Variants in ODAD2 observed in about 807,000 individuals in gnomAD.
ODAD2 encodes the protein outer dynein arm docking complex subunit 2.
In ODAD2, 89 loss-of-function variants were observed where a neutral mutation model predicts 106.8. The ratio of observed to expected loss-of-function variants is 0.83; its 90% CI spans 0.70 to 0.99. The LOEUF is 0.99. Among genes scored for constraint, ODAD2 ranks in the 50% least tolerant of loss-of-function variants. ODAD2 has a pLI of 0.00. For missense variants in ODAD2, 1,168 were observed against 1,238.5 expected, an observed-to-expected ratio of 0.94 and a Z score of 0.85; for synonymous variants, 404 against 436.2, an observed-to-expected ratio of 0.93 and a Z score of 0.92.
At chr10:27,828,584 G>A (rs1445857894) in intron 19 of ODAD2, among the ~76,000 whole-genome samples, 1 of 152,106 alleles carries the variant, frequency 6.6e-6, no homozygotes, top group Non-Finnish European at 1.5e-5. Flanking sequence ...ATCCATCTGA[G>A]TAATATCCCT....
intron 4 of ODAD2, among the ~76,000 whole-genome samples, 200 bp downstream of exon 4, chr10:27,984,819 C>CT (rs1016339652): frequency 2.0e-5 from 3 of 152,068 alleles, no homozygotes; most frequent in South Asian, 2.1e-4. Context: ...TTTCTTGTGT[C>CT]TTTTTTTCTA....
At chr10:27,814,059 T>C (rs1254988967) in intron 19 of ODAD2, among the ~76,000 whole-genome samples, 1 of 152,108 alleles carries the variant, frequency 6.6e-6, no homozygotes, top group Non-Finnish European at 1.5e-5. Context: ...TTGGTTCGAC[T>C]AAAGACAGGG....
intron 19 of ODAD2, among the ~76,000 whole-genome samples, chr10:27,858,104 A>G (rs1023495499): frequency 6.6e-6 from 1 of 152,190 alleles, no homozygotes; most frequent in African/African-American, 2.4e-5. Flanking sequence ...CTTCCTCTTC[A>G]TCTAGGCTGA....
chr10:27,941,486 C>G (rs540231938), intron 12 of ODAD2, among the ~76,000 whole-genome samples: 2 of 122,770 alleles, frequency 1.6e-5, no homozygotes, highest in African/African-American at 6.1e-5. Context: ...TCCTGCCCCC[C>G]GAACCAAAAA....
At chr10:27,816,127 AGTCATTCACTTCTCTTTATTGCTATT>A (rs916245940) in intron 19 of ODAD2, among the ~76,000 whole-genome samples, 3 of 152,156 alleles carry the variant, frequency 2.0e-5, no homozygotes, top group Admixed American at 6.5e-5. Flanking sequence ...CATATTTCAA[AGTCATTCACTTCTCTTTATTGCTATT>A]GTCATTCACC....
chr10:27,822,833 A>T (rs1000588225), intron 19 of ODAD2, among the ~76,000 whole-genome samples: 1 of 152,098 alleles, frequency 6.6e-6, no homozygotes, highest in Non-Finnish European at 1.5e-5. Context: ...CAAAACTTGG[A>T]TCTGCTTATT....
intron 10 of ODAD2, chr10:27,957,631 C>T (rs1405798091): frequency 6.6e-6 from 1 of 152,108 alleles, no homozygotes; most frequent in African/African-American, 2.4e-5. Flanking sequence ...AAATGTGATA[C>T]ATTCATTAAT....
intron 7 of ODAD2, among the ~76,000 whole-genome samples, chr10:27,979,681 C>T (rs1316696108): frequency 7.9e-5 from 12 of 152,056 alleles, no homozygotes; most frequent in Non-Finnish European, 1.5e-4. Flanking sequence ...AACTTGTACA[C>T]TGAAAACTTC....
chr10:27,956,889 T>A (rs1847774797), intron 10 of ODAD2, among the ~76,000 whole-genome samples: 1 of 152,240 alleles, frequency 6.6e-6, no homozygotes, highest in South Asian at 2.1e-4. Flanking sequence ...ATTTATAACA[T>A]ATAGTACTTG....
rs368422075 is a variant in ODAD2 at position 27,965,974 on chromosome 10, G to A, written c.1238+2949C>T. On this transcript the variant is annotated intron_variant, in intron 9 of 19. Transcript: ENST00000305242. The stretch of plus-strand genomic sequence containing the variant: ...TTTTCTTTGTTTCTCTCCCTCCTCT[G>A]CTCTCTTCAACTCCCAGTGGGTTCT... 3.6e-3 allele frequency among the ~76,000 whole-genome samples: 546 copies of A among 152,128 alleles called. 6 individuals carry two copies. Among genetic ancestry groups the A allele is most frequent in the African/African-American group, 0.012 (507 of 41,500 alleles).
intron 16 of ODAD2, among the ~76,000 whole-genome samples, chr10:27,918,923 GA>G (rs1844584286): frequency 6.7e-6 from 1 of 150,154 alleles, no homozygotes; most frequent in Admixed American, 6.6e-5. Flanking sequence ...AAAAAAACTG[GA>G]AAAAAATTAA....
intron 7 of ODAD2, among the ~76,000 whole-genome samples, chr10:27,975,065 T>G (rs1849106746): frequency 6.6e-6 from 1 of 152,194 alleles, no homozygotes; most frequent in Non-Finnish European, 1.5e-5. Context: ...ACAGGAATTC[T>G]GGTGATTTTT....
chr10:27,895,759 C>T (rs1269061425), intron 17 of ODAD2, among the ~76,000 whole-genome samples: 1 of 152,174 alleles, frequency 6.6e-6, no homozygotes, highest in Non-Finnish European at 1.5e-5. Flanking sequence ...TGGTTTGATT[C>T]AGATCTGTGT....
At chr10:27,820,367 C>T (rs1357797373) in intron 19 of ODAD2, among the ~76,000 whole-genome samples, 1 of 150,980 alleles carries the variant, frequency 6.6e-6, no homozygotes, top group Non-Finnish European at 1.5e-5. Context: ...TGTATTTATT[C>T]CCAAACTCTT....
At position 27,944,217 on chromosome 10, in the gene ODAD2, C is replaced by G; in HGVS notation, c.1743+5G>C. 1 of 1,608,870 alleles carries G rather than the reference C, an allele frequency of 6.2e-7. No homozygotes were observed. On this transcript the variant is annotated splice_donor_5th_base_variant and intron_variant, in intron 12 of 19. Coordinates refer to ENST00000305242, the MANE Select transcript of ODAD2 (RefSeq NM_018076.5). ...GATGACGATGACAACATCACGGCTA[C>G]TCACCAGTTTGGTGATACCCCCGTG...
chr10:27,900,674 T>C (rs1316966978), intron 17 of ODAD2, among the ~76,000 whole-genome samples: 2 of 152,104 alleles, frequency 1.3e-5, no homozygotes, highest in Non-Finnish European at 2.9e-5. Flanking sequence ...CATACACAAG[T>C]ACCAATAGCT....
chr10:27,883,685 G>A (rs1345121941), intron 17 of ODAD2, among the ~76,000 whole-genome samples: 3 of 152,260 alleles, frequency 2.0e-5, no homozygotes, highest in African/African-American at 7.2e-5. Flanking sequence ...TCAGGAAGTA[G>A]TGTGCATCAA....
chr10:27,971,205 T>A lies in ODAD2; in HGVS notation c.1045A>T (p.Arg349Trp). 1 of 1,613,954 alleles carries A rather than the reference T, an allele frequency of 6.2e-7. No individual in the cohort carries two copies. Among genetic ancestry groups the A allele is most frequent in the African/African-American group, 1.3e-5 (1 of 75,058 alleles). The change falls in exon 8 of 20, where the codon AGG (arginine) becomes TGG (tryptophan). Residue 349 changes from arginine (R) to tryptophan (W), a missense_variant. This residue lies in a region of ODAD2 where 430 missense variants were observed against 452.2 expected (regional missense o/e 0.95). Coordinates refer to ENST00000305242, the MANE Select transcript of ODAD2 (RefSeq NM_018076.5). ...TTAATTTGGTTCTTCTCCAGTGACC[T>A]TTTGTCTGAACCAGAAATGTCTTTG... is the stretch of plus-strand genomic sequence containing the variant. ...LRKDISGSDK[R>W]SLEKNQINFW...
chr10:27,885,531 A>AT lies in ODAD2; in HGVS notation c.2610+22131_2610+22132insA, dbSNP rs1564465137. On this transcript the variant is annotated intron_variant, in intron 17 of 19. Transcript: ENST00000305242. ...TCTCAAAAAAAAAAAAAAAAAAAAA[A>AT]AAATATATATATATATAAATATATA... 3.6e-3 allele frequency among the ~76,000 whole-genome samples: 51 copies of AT among 14,332 alleles called. 9 individuals are homozygous for AT. Among genetic ancestry groups the AT allele is most frequent in the South Asian group, 5.2e-3 (2 of 382 alleles). 9.4% of individuals were successfully genotyped at this position (14,332 alleles called of 152,430 possible). A position where few individuals can be genotyped will look rare whatever the true frequency, so the allele number is the denominator to read the frequency against.
Sources: gnomAD v4.1 joint callset for allele counts (sites outside exome capture counted in the v4.1 genomes callset) on GRCh38, gnomAD v4.1.1 for gene constraint, gnomAD v4.1.1 regional missense constraint, MANE v1.5 for transcripts, NCBI Gene and HGNC (gene_info 2026-07-23, HGNC 2026-07-21) for gene names.